DHRS4L2: variants seen among roughly 807,000 people sequenced by gnomAD.
DHRS4L2 encodes dehydrogenase/reductase 4 like 2.
DHRS4L2 carries 22 observed loss-of-function variants against 23.9 expected under a neutral mutation model. That is an observed-to-expected ratio of 0.92 (90% confidence interval 0.66 to 1.31). The LOEUF (loss-of-function observed/expected upper bound fraction) is 1.31. Ranked by LOEUF, DHRS4L2 falls within the 40% of genes most tolerant of loss-of-function variation. DHRS4L2 has a pLI of 0.00. For synonymous variants in DHRS4L2, 141 were observed against 123.7 expected (o/e 1.14, Z -0.93); for missense variants, 385 against 303.3 (o/e 1.27, Z -2.00).
chr14:23,988,877 C>A (rs867035929), upstream of DHRS4L2: 2 of 1,558,074 alleles, frequency 1.3e-6, no homozygotes, highest in South Asian at 1.2e-5. Context: ...GCCCGCCCTT[C>A]GTCCTGCCCC....
upstream of DHRS4L2, chr14:23,988,910 G>T (rs112947042): frequency 1.9e-3 from 3,082 of 1,606,890 alleles, 170 homozygotes; most frequent in South Asian, 0.032. Context: ...TGTCACCTCC[G>T]CTGGAAGGAG....
At chr14:24,001,314 C>CT (rs1823602309) in intron 5 of DHRS4L2, 70 bp from the exon 6 acceptor site, 1 of 1,579,932 alleles carries the variant, frequency 6.3e-7, no homozygotes, top group Admixed American at 1.8e-5. Context: ...GCACTGCCCT[C>CT]TATGTCTAGT....
intron 1 of DHRS4L2, among the ~76,000 whole-genome samples, chr14:23,977,250 T>G (rs544073659): frequency 6.6e-6 from 1 of 151,824 alleles, no homozygotes; most frequent in African/African-American, 2.4e-5. Context: ...AATAATTGGC[T>G]TACATTTAAA....
At chr14:23,987,512 G>C (rs987904468), upstream of DHRS4L2, among the ~76,000 whole-genome samples, 1 of 151,570 alleles carries the variant, frequency 6.6e-6, no homozygotes, top group Non-Finnish European at 1.5e-5. Flanking sequence ...CTATTCAAAA[G>C]TCATGCCTAG....
intron 3 of DHRS4L2, among the ~76,000 whole-genome samples, chr14:23,999,940 C>T (rs1222444302): frequency 2.2e-5 from 3 of 134,402 alleles, no homozygotes; most frequent in South Asian, 4.6e-4. Flanking sequence ...AGTGATCCAC[C>T]CATCTTGGCC....
intron 1 of DHRS4L2, among the ~76,000 whole-genome samples, chr14:23,971,054 G>C (rs998945029): frequency 6.6e-6 from 1 of 152,072 alleles, no homozygotes; most frequent in Non-Finnish European, 1.5e-5. Flanking sequence ...AACCAGAGCA[G>C]AAATGCTGAA....
In DHRS4L2 at chr14:23,972,036, A is replaced by T. The variant is rs1197963372; in HGVS notation, c.-176+1704A>T. 1.2e-3 allele frequency among the ~76,000 whole-genome samples: 181 copies of T among 152,222 alleles called. 1 individual carries two copies. Among genetic ancestry groups the T allele is most frequent in the African/African-American group, 4.2e-3 (174 of 41,564 alleles). On this transcript the variant is annotated intron_variant, in intron 1 of 5. Transcript: ENST00000534993. Reference sequence around the variant, plus strand: ...CCAATTAAAAGACACAGACTGGCAAATTGGATAAAGAATCAAGACCCATAT... The same window carrying T: ...CCAATTAAAAGACACAGACTGGCAATTTGGATAAAGAATCAAGACCCATAT...
At chr14:23,994,930 T>C (rs1006972905) in intron 2 of DHRS4L2, 102 bp from the exon 3 acceptor site, 13 of 1,411,192 alleles carry the variant, frequency 9.2e-6, no homozygotes, top group Non-Finnish European at 1.3e-5. Context: ...ATTACAGGCA[T>C]GAGCCACAGC....
chr14:23,977,784 C>T (rs140204699), intron 1 of DHRS4L2, among the ~76,000 whole-genome samples: 4,433 of 151,060 alleles, frequency 0.029, 132 homozygotes, highest in Middle Eastern at 0.055. Context: ...ATTAATTTCC[C>T]ATTGTTGTCC....
intron 1 of DHRS4L2, among the ~76,000 whole-genome samples, chr14:23,979,212 G>C (rs1594454829): frequency 1.3e-5 from 2 of 149,218 alleles, no homozygotes; most frequent in South Asian, 4.3e-4. Context: ...TTACATAATG[G>C]TAAAGGGATC....
At position 23,989,211 on chromosome 14, in the gene DHRS4L2, C is replaced by T. The variant is rs570808182; in HGVS notation, c.128+136C>T. 1.1e-3 allele frequency: 1,659 copies of T among 1,455,864 alleles called. 36 individuals carry two copies. Among genetic ancestry groups the T allele is most frequent in the Non-Finnish European group, 1.4e-3 (1,517 of 1,097,054 alleles). The allele number at this position is 1,455,864 out of a possible 1,614,324, so 90.2% of individuals were successfully genotyped here. On this transcript the variant is annotated intron_variant, in intron 1 of 7. Transcript: ENST00000335125. Reference sequence around the variant, plus strand: ...TCTGGCCATGGAAAAAAAGTAGCCACGTGGTCCGCCTGAAGCCCCTCCGAA... The same window carrying T: ...TCTGGCCATGGAAAAAAAGTAGCCATGTGGTCCGCCTGAAGCCCCTCCGAA...
chr14:23,988,841 G>A (rs2034202176), upstream of DHRS4L2: 1 of 1,453,630 alleles, frequency 6.9e-7, no homozygotes, highest in Non-Finnish European at 9.1e-7. Flanking sequence ...CTGGCCGAGG[G>A]CGGGAAGGGG....
intron 3 of DHRS4L2, among the ~76,000 whole-genome samples, chr14:23,997,765 T>C (rs1177686583): frequency 6.6e-6 from 1 of 151,568 alleles, no homozygotes; most frequent in East Asian, 1.9e-4. Context: ...TGATGCAGTC[T>C]TGAACCCTTC....
At chr14:23,977,082 G>C (rs1203724754) in intron 1 of DHRS4L2, among the ~76,000 whole-genome samples, 1 of 151,730 alleles carries the variant, frequency 6.6e-6, no homozygotes, top group Non-Finnish European at 1.5e-5. Flanking sequence ...GTGCACATGT[G>C]CCCTAGAACT....
intron 1 of DHRS4L2, among the ~76,000 whole-genome samples, chr14:23,981,019 C>T (rs2034041970): frequency 6.6e-6 from 1 of 151,756 alleles, no homozygotes; most frequent in South Asian, 2.1e-4. Context: ...GTCAAATTGT[C>T]TCTGTTTGCA....
At chr14:23,973,715 T>C (rs2033912641) in intron 1 of DHRS4L2, among the ~76,000 whole-genome samples, 2 of 151,662 alleles carry the variant, frequency 1.3e-5, no homozygotes, top group African/African-American at 4.9e-5. Context: ...CCTAAATATA[T>C]ATGCACCCAA....
intron 1 of DHRS4L2, among the ~76,000 whole-genome samples, chr14:23,982,033 C>G (rs1190924710): frequency 6.6e-6 from 1 of 150,478 alleles, no homozygotes; most frequent in East Asian, 2.0e-4. Context: ...TGCAAGAGGC[C>G]TTCCTCTTTT....
intron 3 of DHRS4L2, 103 bp from the exon 4 acceptor site, chr14:24,000,760 A>C: frequency 1.0e-6 from 1 of 987,574 alleles, no homozygotes; most frequent in Admixed American, 2.6e-5. Context: ...GATCTTCGTC[A>C]GCTCTGACAA....
In DHRS4L2 at chr14:23,976,477, G is replaced by C. The variant is rs551155801; in HGVS notation, c.-176+6145G>C. Reference sequence around the variant, plus strand: ...CAATAGAAGCTGGAGAGGATGTGGAGAAATAGGAAGGCTTTTAGACTGTTG... The same window carrying C: ...CAATAGAAGCTGGAGAGGATGTGGACAAATAGGAAGGCTTTTAGACTGTTG... On this transcript the variant is annotated intron_variant, in intron 1 of 5. Transcript: ENST00000534993. Among the ~76,000 whole-genome samples the C allele has an allele frequency of 2.0e-5, 3 of 151,956 alleles. No homozygotes were observed. In the East Asian group the frequency reaches 5.8e-4, roughly 29 times the overall value.
Sources: allele counts gnomAD v4.1 joint callset (sites outside exome capture counted in the v4.1 genomes callset), GRCh38; gene constraint gnomAD v4.1.1; transcripts MANE v1.5; gene names NCBI Gene and HGNC (gene_info 2026-07-23, HGNC 2026-07-21).